CUTC: variants seen among roughly 807,000 people sequenced by gnomAD.
CUTC encodes cutC copper transporter.
In CUTC, 27 loss-of-function variants were observed where a neutral mutation model predicts 36.2. The observed-to-expected ratio is 0.75, with a 90% CI of 0.55 to 1.03. CUTC has a LOEUF of 1.03. CUTC is among the 50% of genes least tolerant of loss of function. CUTC has a pLI of 0.00. For missense variants in CUTC, 315 were observed against 343.5 expected (o/e 0.92, Z 0.66); for synonymous variants, 114 against 118.3 (o/e 0.96, Z 0.24).
At chr10:99,734,829 G>A (rs1411037007) in intron 1 of CUTC, among the ~76,000 whole-genome samples, 1 of 152,156 alleles carries the variant, frequency 6.6e-6, no homozygotes, top group Admixed American at 6.5e-5. Context: ...GAGGCCAGAC[G>A]TGGTGGCTCA....
At chr10:99,743,017 C>A in intron 3 of CUTC, 136 bp from the exon 4 acceptor site, 1 of 733,596 alleles carries the variant, frequency 1.4e-6, no homozygotes, top group Non-Finnish European at 2.3e-6. Context: ...CTATTACTTA[C>A]CTTCTACCAT....
intron 2 of CUTC, among the ~76,000 whole-genome samples, chr10:99,736,723 C>T (rs1489238662): frequency 1.3e-5 from 2 of 152,048 alleles, no homozygotes; most frequent in African/African-American, 2.4e-5. Context: ...ACATTTCCAT[C>T]ATCTCAGGTT....
rs930867657 is a variant in CUTC, at chr10:99,732,263, C to T, written c.-86C>T. 1.3e-6 allele frequency: 2 copies of T among 1,535,404 alleles called. No homozygotes were observed. The highest frequency in any genetic ancestry group is 1.8e-6 in the Non-Finnish European group (2 of 1,139,582). On this transcript the variant is annotated 5_prime_UTR_variant, in exon 1 of 9. Transcript: ENST00000370476. ...GGGACGCGCGCACGGGCGCGCGCAG[C>T]TGTTGACGCGCTTCTTAGCTGGTGC... is the stretch of plus-strand genomic sequence containing the variant.
chr10:99,745,386 AC>A (rs1435928312), intron 5 of CUTC, among the ~76,000 whole-genome samples: 1 of 152,230 alleles, frequency 6.6e-6, no homozygotes, highest in East Asian at 1.9e-4. Flanking sequence ...GCCTACATAC[AC>A]TAAAGGGTGA....
intron 5 of CUTC, among the ~76,000 whole-genome samples, chr10:99,746,606 A>T (rs963885488): frequency 1.3e-5 from 2 of 152,144 alleles, no homozygotes; most frequent in South Asian, 2.1e-4. Flanking sequence ...TTAAGTAAAT[A>T]TACTATTTAA....
chr10:99,754,485 C>G, intron 7 of CUTC, 44 bp from the exon 8 acceptor site: 2 of 1,308,740 alleles, frequency 1.5e-6, no homozygotes, highest in Non-Finnish European at 2.2e-6. Context: ...AAATTTTATG[C>G]AAAATTCTAT....
chr10:99,744,215 T>C (rs2037362215), intron 5 of CUTC, 143 bp downstream of exon 5: 1 of 644,138 alleles, frequency 1.6e-6, no homozygotes, highest in South Asian at 2.1e-5. Flanking sequence ...CTAAAAGTTA[T>C]AAAAGTAGAG....
Position 99,739,690 on chromosome 10 carries a change from G to A in CUTC, c.134-20G>A. The A allele has an allele frequency of 1.2e-6, 2 of 1,605,944 alleles. No individual in the cohort carries two copies. Among genetic ancestry groups the A allele is most frequent in the South Asian group, 1.1e-5 (1 of 89,128 alleles). On this transcript the variant is annotated intron_variant, in intron 2 of 8. Transcript: ENST00000370476. ...AGCTTATTTTTTAAAAATGTGTTGA[G>A]CAATGCTTTTATATTACAGGTGCTG...
At chr10:99,750,333 A>G in intron 6 of CUTC, 36 bp from the exon 7 acceptor site, 4 of 1,530,330 alleles carry the variant, frequency 2.6e-6, no homozygotes, top group South Asian at 1.2e-5. Context: ...AGAGAAAGAT[A>G]TTAAAATTCA....
At chr10:99,753,173 C>T (rs2037431913) in intron 7 of CUTC, among the ~76,000 whole-genome samples, 1 of 152,160 alleles carries the variant, frequency 6.6e-6, no homozygotes, top group African/African-American at 2.4e-5. Flanking sequence ...AACTTAGCAA[C>T]ATGTGTTTCA....
chr10:99,744,973 T>C (rs1486139852), intron 5 of CUTC, among the ~76,000 whole-genome samples: 1 of 152,142 alleles, frequency 6.6e-6, no homozygotes, highest in African/African-American at 2.4e-5. Context: ...GGCTGGTCTT[T>C]AACTCCTGAC....
intron 2 of CUTC, among the ~76,000 whole-genome samples, chr10:99,739,176 T>G (rs1267309937): frequency 6.6e-6 from 1 of 152,200 alleles, no homozygotes; most frequent in Non-Finnish European, 1.5e-5. Context: ...AACAAAATGT[T>G]CTATCTTTGG....
At chr10:99,748,013 G>C (rs535869813) in intron 6 of CUTC, among the ~76,000 whole-genome samples, 1 of 152,276 alleles carries the variant, frequency 6.6e-6, no homozygotes, top group African/African-American at 2.4e-5. Flanking sequence ...CATTTGTAGA[G>C]CACTCAGAAG....
rs746042277 is a variant in CUTC, at chr10:99,755,760, T to C, written c.*21T>C. ...TGTAGCCAGACCTCTCTGAGAGACA[T>C]GGATATCACAGGATGAAGGTAGAAC... On this transcript the variant is annotated 3_prime_UTR_variant, in exon 9 of 9. Coordinates refer to ENST00000370476, the MANE Select transcript of CUTC (RefSeq NM_015960.3). 1.4e-6 allele frequency: 2 copies of C among 1,433,134 alleles called. No individual in the cohort carries two copies. Among genetic ancestry groups the C allele is most frequent in the Non-Finnish European group, 2.0e-6 (2 of 1,016,942 alleles). The allele number at this position is 1,433,134 out of a possible 1,614,324, so 88.8% of individuals were successfully genotyped here.
At chr10:99,736,769 T>A (rs1197855470) in intron 2 of CUTC, among the ~76,000 whole-genome samples, 1 of 152,044 alleles carries the variant, frequency 6.6e-6, no homozygotes, top group African/African-American at 2.4e-5. Flanking sequence ...TATGGAAAAA[T>A]AAACATATAC....
intron 3 of CUTC, among the ~76,000 whole-genome samples, chr10:99,741,424 G>T (rs914103994): frequency 6.6e-6 from 1 of 152,122 alleles, no homozygotes; most frequent in Non-Finnish European, 1.5e-5. Flanking sequence ...TAGTTTCTTT[G>T]CATGCATGCA....
intron 3 of CUTC, 54 bp from the exon 4 acceptor site, chr10:99,743,099 T>C: frequency 1.3e-6 from 2 of 1,544,262 alleles, no homozygotes; most frequent in East Asian, 4.5e-5. Flanking sequence ...ACCAATAATA[T>C]ATCATTGGCT....
At chr10:99,742,129 A>G (rs2037345902) in intron 3 of CUTC, among the ~76,000 whole-genome samples, 1 of 152,074 alleles carries the variant, frequency 6.6e-6, no homozygotes, top group Non-Finnish European at 1.5e-5. Context: ...ATTGTTTACC[A>G]TTTTCAAGGA....
intron 2 of CUTC, among the ~76,000 whole-genome samples, chr10:99,736,688 G>A (rs2133662718): frequency 6.6e-6 from 1 of 152,088 alleles, no homozygotes; most frequent in Admixed American, 6.6e-5. Flanking sequence ...GTTGTACTCT[G>A]AACCTGTTTT....
Sources: gnomAD v4.1 joint callset for allele counts (sites outside exome capture counted in the v4.1 genomes callset) on GRCh38, gnomAD v4.1.1 for gene constraint, MANE v1.5 for transcripts, NCBI Gene and HGNC (gene_info 2026-07-23, HGNC 2026-07-21) for gene names.